The following FAM193B variants were observed in gnomAD, a reference collection of about 807,000 sequenced individuals.
FAM193B encodes the protein protein FAM193B.
In FAM193B, 27 loss-of-function variants were observed where a neutral mutation model predicts 70.7. That is an observed-to-expected ratio of 0.38 (90% CI 0.28 to 0.53). FAM193B has a LOEUF of 0.53. FAM193B is among the 20% of genes least tolerant of loss of function. The probability of loss-of-function intolerance (pLI) is 0.81; values close to 1 mark genes in which losing one functional copy is unlikely to be tolerated. For missense variants in FAM193B, 1,022 were observed against 1,072.5 expected, an observed-to-expected ratio of 0.95 and a Z score of 0.66; for synonymous variants, 448 against 436.0, an observed-to-expected ratio of 1.03 and a Z score of -0.34.
At position 177,539,106 on chromosome 5, in the gene FAM193B, C is replaced by T. The variant is rs770192877; in HGVS notation, c.252G>A (p.Leu84=). Residue 84 remains leucine (L), a synonymous_variant, in exon 2 of 9, where the codon CTG becomes CTA. Coordinates refer to ENST00000514747, the MANE Select transcript of FAM193B (RefSeq NM_001190946.3). The stretch of plus-strand genomic sequence containing the variant: ...AGCCTTTGCGTTCCCGGTGACACAG[C>T]AGGCAGCAAGTCTGCACAGGCTGGC... ...ASSQPVQTCC[L]LCHRERKGWE... The T allele has an allele frequency of 2.2e-5, 35 of 1,604,206 alleles. No homozygotes were observed. The highest frequency in any genetic ancestry group is 2.9e-5 in the Non-Finnish European group (34 of 1,174,910).
chr5:177,535,900 A>T (rs992841851), intron 4 of FAM193B, among the ~76,000 whole-genome samples: 5 of 146,456 alleles, frequency 3.4e-5, no homozygotes, highest in African/African-American at 1.3e-4. Flanking sequence ...CAAAACACAA[A>T]ACAAAAAAAC....
intron 5 of FAM193B, among the ~76,000 whole-genome samples, chr5:177,525,958 T>A (rs1003946546): frequency 2.0e-5 from 3 of 152,236 alleles, no homozygotes; most frequent in African/African-American, 7.2e-5. Context: ...AGGCCAACGA[T>A]GCCTTTAGAG....
chr5:177,540,221 C>T (rs1200207272), intron 1 of FAM193B, among the ~76,000 whole-genome samples: 2 of 150,580 alleles, frequency 1.3e-5, no homozygotes, highest in African/African-American at 2.5e-5. Flanking sequence ...GCAGGAGAAT[C>T]GCTTGAACCT....
At chr5:177,544,025 G>C (rs1765144513) in intron 1 of FAM193B, among the ~76,000 whole-genome samples, 2 of 152,238 alleles carry the variant, frequency 1.3e-5, no homozygotes, top group Admixed American at 6.5e-5. Flanking sequence ...AGCCTCTGAG[G>C]ATGCAGGTCT....
Position 177,532,696 on chromosome 5 carries a change from A to G in FAM193B, c.1077-55T>C. 7.0e-7 allele frequency: 1 copy of G among 1,429,860 alleles called. No individual in the cohort carries two copies. The highest frequency in any genetic ancestry group is 9.1e-7 in the Non-Finnish European group (1 of 1,097,174). 88.6% of individuals were successfully genotyped at this position (1,429,860 alleles called of 1,614,324 possible). On this transcript the variant is annotated intron_variant, in intron 4 of 8. Coordinates refer to ENST00000514747, the MANE Select transcript of FAM193B (RefSeq NM_001190946.3). The surrounding 1 kb of genome is among the most constrained non-coding windows in gnomAD (Gnocchi z 4.9). ...AGGCAGGGTGATGCAGAAACCCAGG[A>G]AGCATCCCAACCACCACCTGCCATC...
chr5:177,536,667 G>C lies in FAM193B; in HGVS notation c.767C>G (p.Pro256Arg). ...AGACGGGATTAGAGATGCTGGCTGCGGGTGGTGGCCGGTGGGGCTGTTAGG... is the reference window on the plus strand; with the variant it reads ...AGACGGGATTAGAGATGCTGGCTGCCGGTGGTGGCCGGTGGGGCTGTTAGG... The part of the protein sequence containing the change: ...APPNSPTGHH[P>R]QPASLIPSHP... The change falls in exon 4 of 9, where the codon CCG becomes CGG. Residue 256 changes from proline (P) to arginine (R), a missense_variant. Transcript: ENST00000514747. 1 of 1,561,884 alleles carries C rather than the reference G, an allele frequency of 6.4e-7. No homozygotes were observed. The highest frequency in any genetic ancestry group is 8.6e-7 in the Non-Finnish European group (1 of 1,159,076).
chr5:177,531,153 C>T (rs1159719746), intron 5 of FAM193B: 10 of 1,016,988 alleles, frequency 9.8e-6, no homozygotes, highest in Non-Finnish European at 1.3e-5. Context: ...TCATTCAGAC[C>T]TTCCCAGAAC....
Position 177,554,372 on chromosome 5 carries a change from G to C in FAM193B, c.87C>G (p.Pro29=), listed in dbSNP as rs1766768942. Residue 29 remains proline, a synonymous_variant, in exon 1 of 9, where the codon CCC becomes CCG. Coordinates refer to ENST00000514747, the MANE Select transcript of FAM193B (RefSeq NM_001190946.3). The part of the protein sequence containing the change: ...RAAGPQKPQA[P]EPPPPPSLEA... ...CCAGGCTTGGCGGCGGCGGGGGCTCGGGCGCCTGGGGCTTCTGCGGCCCCG... is the reference window on the plus strand; with the variant it reads ...CCAGGCTTGGCGGCGGCGGGGGCTCCGGCGCCTGGGGCTTCTGCGGCCCCG... The C allele has an allele frequency of 1.7e-6, 2 of 1,207,302 alleles. No individual in the cohort carries two copies. Among genetic ancestry groups the C allele is most frequent in the East Asian group, 6.8e-5 (2 of 29,442 alleles). The allele number at this position is 1,207,302 out of a possible 1,614,324, so 74.8% of individuals were successfully genotyped here. A position where few individuals can be genotyped will look rare whatever the true frequency, so the allele number is the denominator to read the frequency against.
chr5:177,540,335 A>C (rs2544816), intron 1 of FAM193B, among the ~76,000 whole-genome samples: 63,160 of 150,584 alleles, frequency 0.42, 14,564 homozygotes, highest in East Asian at 0.63. Flanking sequence ...AGAAAAACAA[A>C]TATAAGTCTG....
At chr5:177,549,496 A>T (rs1765919824) in intron 1 of FAM193B, among the ~76,000 whole-genome samples, 2 of 152,150 alleles carry the variant, frequency 1.3e-5, no homozygotes, top group African/African-American at 4.8e-5. Context: ...CCCAGCCTGG[A>T]TTGTCATTTT....
chr5:177,526,430 T>C (rs1762609119), intron 5 of FAM193B, among the ~76,000 whole-genome samples: 1 of 152,078 alleles, frequency 6.6e-6, no homozygotes, highest in Non-Finnish European at 1.5e-5. Flanking sequence ...CATTTCTAGC[T>C]GTGAGTAGGG....
In FAM193B at chr5:177,539,012, T is replaced by C; in HGVS notation, c.346A>G (p.Lys116Glu). The C allele has an allele frequency of 5.0e-6, 8 of 1,614,024 alleles. No homozygotes were observed. The highest frequency in any genetic ancestry group is 6.8e-6 in the Non-Finnish European group (8 of 1,179,886). The change falls in exon 2 of 9, where the codon AAG becomes GAG. Residue 116 changes from lysine to glutamate, a missense_variant. Physicochemically the swap from Lys to Glu is moderately conservative, Grantham distance 56. Transcript: ENST00000514747. Reference sequence around the variant, plus strand: ...TCGCCTAGGAGATTCTTGACGAGCTTTGGCATGAAGTCAGGGGGCAGCTTC... The same window carrying C: ...TCGCCTAGGAGATTCTTGACGAGCTCTGGCATGAAGTCAGGGGGCAGCTTC... ...GEKLPPDFMPKLVKNLLGEMP... is the reference protein window; with the variant it reads ...GEKLPPDFMPELVKNLLGEMP...
At chr5:177,530,724 TCAA>T (rs1265736608) in intron 5 of FAM193B, among the ~76,000 whole-genome samples, 1 of 152,158 alleles carries the variant, frequency 6.6e-6, no homozygotes, top group Non-Finnish European at 1.5e-5. Flanking sequence ...AGGCCCTCCC[TCAA>T]CAACACTGTC....
In FAM193B at chr5:177,538,538, TC is replaced by T. The variant is rs958051370; in HGVS notation, c.453+366del. On this transcript the variant is annotated intron_variant, in intron 2 of 8. Coordinates refer to ENST00000514747, the MANE Select transcript of FAM193B (RefSeq NM_001190946.3). The surrounding 1 kb of genome is among the most constrained non-coding windows in gnomAD (Gnocchi z 4.1). ...AGCAGACTTAGATGACTCCCAAGTG[TC>T]TGTCCTTCTAACTAGGGCACATTTC... Among the ~76,000 whole-genome samples, 33 of 152,328 alleles carry T rather than the reference TC, an allele frequency of 2.2e-4. No homozygotes were observed. The highest frequency in any genetic ancestry group is 7.9e-4 in the African/African-American group (33 of 41,570).
At chr5:177,529,786 T>C (rs1457659447) in intron 5 of FAM193B, among the ~76,000 whole-genome samples, 1 of 152,190 alleles carries the variant, frequency 6.6e-6, no homozygotes, top group African/African-American at 2.4e-5. Context: ...GGGACCTAAC[T>C]GGGAACCACT....
chr5:177,550,603 C>G (rs1223613423), intron 1 of FAM193B, among the ~76,000 whole-genome samples: 1 of 152,166 alleles, frequency 6.6e-6, no homozygotes, highest in Non-Finnish European at 1.5e-5. Context: ...GAGTTCACCT[C>G]TCCTCACCAA....
At chr5:177,534,019 C>G (rs1427190590) in intron 4 of FAM193B, among the ~76,000 whole-genome samples, 2 of 152,220 alleles carry the variant, frequency 1.3e-5, no homozygotes, top group Non-Finnish European at 2.9e-5. Context: ...AAGCCTTAGG[C>G]TGGGCCATGA....
At position 177,536,535 on chromosome 5, in the gene FAM193B, G is replaced by A. The variant is rs1764193992; in HGVS notation, c.899C>T (p.Ala300Val). 1.3e-6 allele frequency: 2 copies of A among 1,538,168 alleles called. No homozygotes were observed. Among genetic ancestry groups the A allele is most frequent in the African/African-American group, 1.4e-5 (1 of 71,412 alleles). ...ASECPVAAAT[A>V]PHTPGPCQSS... is the part of the protein sequence containing the mutation. ...CTGACATGGCCCTGGAGTGTGGGGGGCAGTGGCAGCAGCAACAGGGCACTC... is the reference window on the plus strand; with the variant it reads ...CTGACATGGCCCTGGAGTGTGGGGGACAGTGGCAGCAGCAACAGGGCACTC... The change falls in exon 4 of 9, where the codon GCC becomes GTC. Residue 300 changes from alanine (A) to valine (V), a missense_variant. Transcript: ENST00000514747.
rs1561775267 is a variant in FAM193B, at chr5:177,538,843, A to C, written c.453+62T>G. On this transcript the variant is annotated intron_variant, in intron 2 of 8. Transcript: ENST00000514747. This position sits in a 1 kb window ranked among gnomAD's most constrained non-coding sequence, Gnocchi z 4.1. ...GGAGAGCCACCTGAGGACAGGGAAC[A>C]GCCTGACTTCCTTGGGGAGGAGCCC... 1.3e-6 allele frequency: 2 copies of C among 1,594,502 alleles called. No individual in the cohort carries two copies. Among genetic ancestry groups the C allele is most frequent in the East Asian group, 4.5e-5 (2 of 44,634 alleles).
Sources: gnomAD v4.1 joint callset for allele counts (sites outside exome capture counted in the v4.1 genomes callset) on GRCh38, gnomAD v4.1.1 for gene constraint, Gnocchi (gnomAD v3.1) non-coding constraint, MANE v1.5 for transcripts, NCBI Gene and HGNC (gene_info 2026-07-23, HGNC 2026-07-21) for gene names.